FBLN1: variants seen among roughly 807,000 people sequenced by gnomAD.
The protein encoded by FBLN1 is fibulin 1, also known as fibulin-1.
Under a neutral mutation model 89.7 loss-of-function variants are expected in FBLN1, and 34 were observed. The observed-to-expected ratio is 0.38, with a 90% confidence interval of 0.29 to 0.50. FBLN1 has a LOEUF of 0.50. FBLN1 is among the 20% of genes least tolerant of loss of function. The pLI is 0.92. For synonymous variants in FBLN1, 393 were observed against 391.3 expected (o/e 1.00, Z -0.05); for missense variants, 777 against 988.1 (o/e 0.79, Z 2.86).
intron 1 of FBLN1, among the ~76,000 whole-genome samples, chr22:45,507,862 G>A (rs1233104061): frequency 3.9e-5 from 6 of 152,186 alleles, no homozygotes; most frequent in Non-Finnish European, 8.8e-5. Context: ...ACCCACTGGA[G>A]TGAAAAGGTC....
In FBLN1 at chr22:45,562,668, C is replaced by T. The variant is rs1456153690; in HGVS notation, c.1698-11843C>T. 6.6e-6 allele frequency among the ~76,000 whole-genome samples: 1 copy of T among 152,228 alleles called. No individual in the cohort carries two copies. The highest frequency in any genetic ancestry group is 1.5e-5 in the Non-Finnish European group (1 of 68,028). ...GGACGCACCTCACTCCGGGCACAGC[C>T]TTTGGCCCCCGGCCACCCAGCGCCC... On this transcript the variant is annotated intron_variant, in intron 14 of 16. Coordinates refer to ENST00000327858, the MANE Select transcript of FBLN1 (RefSeq NM_006486.3). The surrounding 1 kb of genome is among the most constrained non-coding windows in gnomAD (Gnocchi z 7.8).
chr22:45,512,091 C>T (rs2088109435), intron 1 of FBLN1, among the ~76,000 whole-genome samples: 1 of 151,722 alleles, frequency 6.6e-6, no homozygotes, highest in Non-Finnish European at 1.5e-5. Flanking sequence ...CCAGCGAGTG[C>T]CTGTTCTGCT....
chr22:45,578,510 T>G lies in FBLN1; in HGVS notation c.1972+1402T>G, dbSNP rs1209503174. The G allele has an allele frequency of 6.6e-6, 1 of 152,058 alleles. No homozygotes were observed. Among genetic ancestry groups the G allele is most frequent in the Non-Finnish European group, 1.5e-5 (1 of 67,998 alleles). 9.4% of individuals were successfully genotyped at this position (152,058 alleles called of 1,614,324 possible). On this transcript the variant is annotated intron_variant, in intron 16 of 16. Coordinates refer to ENST00000327858, the MANE Select transcript of FBLN1 (RefSeq NM_006486.3). The surrounding 1 kb of genome is among the most constrained non-coding windows in gnomAD (Gnocchi z 4.6). ...GTGAAACTTGCTGCTTGCCCTTGAG[T>G]CACTCCCCACTCTGGGCCTCAGTTT...
At chr22:45,589,062 ATT>A (rs2089112507) in intron 16 of FBLN1, among the ~76,000 whole-genome samples, 2 of 50,480 alleles carry the variant, frequency 4.0e-5, no homozygotes, top group East Asian at 1.9e-3. Context: ...ATATATATGT[ATT>A]TTTTATATAT....
At chr22:45,565,039 G>A in intron 14 of FBLN1, 1 of 1,610,558 alleles carries the variant, frequency 6.2e-7, no homozygotes, top group Non-Finnish European at 8.5e-7. Flanking sequence ...ACCTTGCGCT[G>A]AGCAGCTGTG....
chr22:45,577,601 G>C lies in FBLN1; in HGVS notation c.1972+493G>C, dbSNP rs1372488920. On this transcript the variant is annotated intron_variant, in intron 16 of 16. Transcript: ENST00000327858. This position sits in a 1 kb window ranked among gnomAD's most constrained non-coding sequence, Gnocchi z 6.6. ...AGCTGGATTCGCCATGTGGCCTTGA[G>C]CAGTAGTCGTCCCCTCCCTACGCAT... is the stretch of plus-strand genomic sequence containing the variant. Among the ~76,000 whole-genome samples the C allele has an allele frequency of 6.6e-6, 1 of 152,182 alleles. No homozygotes were observed. Among genetic ancestry groups the C allele is most frequent in the African/African-American group, 2.4e-5 (1 of 41,448 alleles).
At chr22:45,508,092 A>G (rs191766658) in intron 1 of FBLN1, among the ~76,000 whole-genome samples, 46 of 152,078 alleles carry the variant, frequency 3.0e-4, no homozygotes, top group African/African-American at 1.1e-3. Flanking sequence ...TTACCTAGCT[A>G]TACCCTCACC....
intron 1 of FBLN1, among the ~76,000 whole-genome samples, chr22:45,511,149 C>T (rs1313097846): frequency 7.1e-6 from 1 of 140,460 alleles, no homozygotes; most frequent in Non-Finnish European, 1.5e-5. Context: ...TCTCATCAAT[C>T]TTCCCCCATT....
intron 6 of FBLN1, 37 bp from the exon 7 acceptor site, chr22:45,533,724 T>C (rs776907746): frequency 1.2e-6 from 2 of 1,605,164 alleles, no homozygotes; most frequent in Admixed American, 1.7e-5. Flanking sequence ...TGGGTCGTTC[T>C]TGCTGGTCAC....
chr22:45,538,804 C>T (rs2088516180), intron 8 of FBLN1, among the ~76,000 whole-genome samples: 6 of 152,088 alleles, frequency 3.9e-5, no homozygotes, highest in African/African-American at 1.4e-4. Flanking sequence ...ATCCATCTTC[C>T]TGGAGCTCCT....
chr22:45,516,981 C>T (rs1293930431), intron 1 of FBLN1, among the ~76,000 whole-genome samples: 4 of 152,220 alleles, frequency 2.6e-5, no homozygotes, highest in Non-Finnish European at 5.9e-5. Flanking sequence ...CAAGTTTCCC[C>T]TCCTCCCCTG....
chr22:45,542,087 C>T, intron 9 of FBLN1, 68 bp from the exon 10 acceptor site: 1 of 1,610,708 alleles, frequency 6.2e-7, no homozygotes, highest in Non-Finnish European at 8.5e-7. Flanking sequence ...GCTTTCCTTT[C>T]TGATCATCTT....
intron 1 of FBLN1, among the ~76,000 whole-genome samples, chr22:45,512,807 G>A (rs999803134): frequency 6.6e-6 from 1 of 152,134 alleles, no homozygotes; most frequent in Non-Finnish European, 1.5e-5. Context: ...CCCCAGGCTG[G>A]AGTGTAGTGG....
rs1195044563 is a variant in FBLN1, at chr22:45,588,958, A to G, written c.1973-11349A>G. On this transcript the variant is annotated intron_variant, in intron 16 of 16. Coordinates refer to ENST00000327858, the MANE Select transcript of FBLN1 (RefSeq NM_006486.3). This position sits in a 1 kb window ranked among gnomAD's most constrained non-coding sequence, Gnocchi z 5.1. ...CAGGTGCTTCCAGGCGGACTCTGCT[A>G]GGAACATTCCATCTGTGGCCAAGGC... is the stretch of plus-strand genomic sequence containing the variant. 6.6e-6 allele frequency among the ~76,000 whole-genome samples: 1 copy of G among 151,798 alleles called. No individual in the cohort carries two copies. The highest frequency in any genetic ancestry group is 1.5e-5 in the Non-Finnish European group (1 of 67,976).
Position 45,574,199 on chromosome 22 carries a change from T to G in FBLN1, c.1698-312T>G, listed in dbSNP as rs1272567834. ...TGTTGGGCAAGTGAACCTGTGACTCTATTTTGCCATTGTAGCTATTGATGC... is the reference window on the plus strand; with the variant it reads ...TGTTGGGCAAGTGAACCTGTGACTCGATTTTGCCATTGTAGCTATTGATGC... On this transcript the variant is annotated intron_variant, in intron 14 of 16. Coordinates refer to ENST00000327858, the MANE Select transcript of FBLN1 (RefSeq NM_006486.3). This position sits in a 1 kb window ranked among gnomAD's most constrained non-coding sequence, Gnocchi z 4.1. Among the ~76,000 whole-genome samples, 1 of 152,246 alleles carries G rather than the reference T, an allele frequency of 6.6e-6. No individual in the cohort carries two copies. The highest frequency in any genetic ancestry group is 1.9e-4 in the East Asian group (1 of 5,204).
chr22:45,555,149 T>A (rs895503796), intron 14 of FBLN1, among the ~76,000 whole-genome samples: 1 of 139,682 alleles, frequency 7.2e-6, no homozygotes, highest in Non-Finnish European at 1.5e-5. Flanking sequence ...GACCCGTCCG[T>A]GTCTCCACCG....
chr22:45,539,699 G>A (rs112510017), intron 8 of FBLN1, among the ~76,000 whole-genome samples: 3 of 152,316 alleles, frequency 2.0e-5, no homozygotes, highest in African/African-American at 7.2e-5. Context: ...GGAGAGATCG[G>A]GTGCCCTGTT....
chr22:45,594,619 T>C (rs1406424313), intron 16 of FBLN1, among the ~76,000 whole-genome samples: 2 of 151,812 alleles, frequency 1.3e-5, no homozygotes, highest in African/African-American at 4.8e-5. Flanking sequence ...TGTGGGTGGA[T>C]GGACAGATGG....
chr22:45,553,817 C>T (rs536558945), intron 14 of FBLN1, among the ~76,000 whole-genome samples: 2 of 152,266 alleles, frequency 1.3e-5, no homozygotes, highest in South Asian at 2.1e-4. Context: ...CAGAACACCA[C>T]GCACACCTCC....
Sources: gnomAD v4.1 joint callset for allele counts (sites outside exome capture counted in the v4.1 genomes callset) on GRCh38, gnomAD v4.1.1 for gene constraint, Gnocchi (gnomAD v3.1) non-coding constraint, MANE v1.5 for transcripts, NCBI Gene and HGNC (gene_info 2026-07-23, HGNC 2026-07-21) for gene names.